Variants in IGFL4 observed in about 807,000 individuals in gnomAD.
The protein encoded by IGFL4 is insulin growth factor-like family member 4.
IGFL4 carries 12 observed loss-of-function variants against 15.4 expected under a neutral mutation model. That is an observed-to-expected ratio of 0.78 (90% CI 0.50 to 1.26). IGFL4 has a LOEUF of 1.26. Among genes scored for constraint, IGFL4 ranks in the 50% most tolerant of loss-of-function variants. The pLI is 0.00. For synonymous variants in IGFL4, 54 were observed against 55.9 expected (o/e 0.97, Z 0.16); for missense variants, 126 against 147.8 (o/e 0.85, Z 0.76).
chr19:46,066,536 C>T (rs146513958), intron 1 of IGFL4, among the ~76,000 whole-genome samples: 13 of 152,236 alleles, frequency 8.5e-5, no homozygotes, highest in East Asian at 1.9e-4. Flanking sequence ...AGAGAAAAGA[C>T]GCTTATTTGG....
In IGFL4 at chr19:46,074,428, A is replaced by G. The variant is rs530724583; in HGVS notation, c.-432+2592T>C. ...AATGTATGTATATCTACATATGTAT[A>G]TATGTGTATGTATATATACACATAT... On this transcript the variant is annotated intron_variant, in intron 1 of 5. Transcript: ENST00000601672. Among the ~76,000 whole-genome samples, 15 of 152,014 alleles carry G rather than the reference A, an allele frequency of 9.9e-5. No individual in the cohort carries two copies. The South Asian group carries it at 2.7e-3, about 27-fold the overall frequency.
chr19:46,043,913 A>G (rs1306251892), upstream of IGFL4, among the ~76,000 whole-genome samples: 1 of 152,250 alleles, frequency 6.6e-6, no homozygotes, highest in Non-Finnish European at 1.5e-5. Context: ...TAGATCAGGA[A>G]GCGGGCAAGA....
intron 2 of IGFL4, among the ~76,000 whole-genome samples, chr19:46,055,400 GT>G (rs1969383481): frequency 6.6e-6 from 1 of 152,092 alleles, no homozygotes; most frequent in African/African-American, 2.4e-5. Context: ...TCAGTAACGT[GT>G]TTTCTTTGAT....
intron 1 of IGFL4, among the ~76,000 whole-genome samples, chr19:46,076,840 C>T (rs1259819897): frequency 6.6e-6 from 1 of 152,132 alleles, no homozygotes; most frequent in Non-Finnish European, 1.5e-5. Flanking sequence ...GGCACTTCTA[C>T]CTATGCGTCT....
upstream of IGFL4, among the ~76,000 whole-genome samples, chr19:46,045,332 G>A (rs1234723138): frequency 6.6e-6 from 1 of 151,790 alleles, no homozygotes; most frequent in African/African-American, 2.4e-5. Flanking sequence ...AATCCCAGAT[G>A]CTGAGGAGGC....
At chr19:46,066,185 T>C (rs752702131) in intron 1 of IGFL4, among the ~76,000 whole-genome samples, 1 of 152,140 alleles carries the variant, frequency 6.6e-6, no homozygotes, top group Admixed American at 6.5e-5. Flanking sequence ...ACACCATATA[T>C]CAAGGAATCC....
chr19:46,076,624 C>T (rs926649044), intron 1 of IGFL4, among the ~76,000 whole-genome samples: 10 of 148,920 alleles, frequency 6.7e-5, no homozygotes, highest in Admixed American at 3.3e-4. Flanking sequence ...TACATTTTCC[C>T]GGTTAGTTTT....
chr19:46,070,911 C>T (rs1354333426), intron 1 of IGFL4, among the ~76,000 whole-genome samples: 2 of 152,060 alleles, frequency 1.3e-5, no homozygotes, highest in East Asian at 3.9e-4. Context: ...AAAAATTAAT[C>T]ATCCTCAAAT....
chr19:46,073,158 C>T (rs959267682), intron 1 of IGFL4, among the ~76,000 whole-genome samples: 3 of 152,082 alleles, frequency 2.0e-5, no homozygotes, highest in Non-Finnish European at 2.9e-5. Flanking sequence ...TAACATTAGA[C>T]GAAGTTGGGT....
intron 2 of IGFL4, chr19:46,059,980 T>C (rs1052609796): frequency 3.9e-5 from 6 of 152,188 alleles, no homozygotes; most frequent in East Asian, 1.9e-4. Flanking sequence ...ACAGGGACTG[T>C]GTAGACAAGG....
intron 1 of IGFL4, among the ~76,000 whole-genome samples, chr19:46,071,302 G>A (rs140499921): frequency 2.0e-5 from 3 of 152,096 alleles, no homozygotes; most frequent in Admixed American, 6.5e-5. Flanking sequence ...GACTATGTTG[G>A]GGGTAAGGAG....
intron 2 of IGFL4, among the ~76,000 whole-genome samples, chr19:46,052,614 C>T (rs1346413347): frequency 2.0e-5 from 3 of 151,714 alleles, no homozygotes; most frequent in Non-Finnish European, 2.9e-5. Flanking sequence ...CCCAGCTACT[C>T]GGGAGACTGA....
chr19:46,066,603 G>A (rs1969497283), intron 1 of IGFL4, among the ~76,000 whole-genome samples: 1 of 152,208 alleles, frequency 6.6e-6, no homozygotes. Flanking sequence ...TTGGCTTCTG[G>A]TGAGGCCTCA....
chr19:46,076,317 C>T (rs993123563), intron 1 of IGFL4, among the ~76,000 whole-genome samples: 2 of 152,236 alleles, frequency 1.3e-5, no homozygotes, highest in African/African-American at 2.4e-5. Flanking sequence ...CCACCGAATT[C>T]ATTTCTTGCT....
chr19:46,077,135 G>C (rs1476792935), upstream of IGFL4: 3 of 152,274 alleles, frequency 2.0e-5, no homozygotes, highest in East Asian at 5.8e-4. This position sits in a 1 kb window ranked among gnomAD's most constrained non-coding sequence, Gnocchi z 5.4. Context: ...TGACGGGCGT[G>C]GTGCAGACGT....
intron 2 of IGFL4, among the ~76,000 whole-genome samples, chr19:46,054,652 C>A (rs1300368297): frequency 6.6e-6 from 1 of 151,812 alleles, no homozygotes; most frequent in South Asian, 2.1e-4. Context: ...CATTTTTTTT[C>A]ATATGATGCC....
chr19:46,061,223 G>A (rs1461964546), intron 1 of IGFL4, among the ~76,000 whole-genome samples: 4 of 152,038 alleles, frequency 2.6e-5, no homozygotes, highest in Admixed American at 6.6e-5. Context: ...ACATTCCCAT[G>A]CCTTCTTATA....
Position 46,076,234 on chromosome 19 carries a change from T to C in IGFL4, c.-432+786A>G, listed in dbSNP as rs553055073. Among the ~76,000 whole-genome samples, 13 of 152,306 alleles carry C rather than the reference T, an allele frequency of 8.5e-5. No homozygotes were observed. In the South Asian group the frequency reaches 1.7e-3, roughly 19 times the overall value. Reference sequence around the variant, plus strand: ...AAACCTACCTCTTAACACTGTTGCATTGAGGATTAAGTTTCAACGTGAATC... The same window carrying C: ...AAACCTACCTCTTAACACTGTTGCACTGAGGATTAAGTTTCAACGTGAATC... On this transcript the variant is annotated intron_variant, in intron 1 of 5. Transcript: ENST00000601672.
At chr19:46,068,175 C>T (rs1186993188) in intron 1 of IGFL4, among the ~76,000 whole-genome samples, 2 of 152,186 alleles carry the variant, frequency 1.3e-5, no homozygotes, top group Non-Finnish European at 2.9e-5. Context: ...GCTCTTCAAC[C>T]AATTCCGCCA....
Sources: gnomAD v4.1 joint callset for allele counts (sites outside exome capture counted in the v4.1 genomes callset) on GRCh38, gnomAD v4.1.1 for gene constraint, Gnocchi (gnomAD v3.1) non-coding constraint, MANE v1.5 for transcripts, NCBI Gene and HGNC (gene_info 2026-07-23, HGNC 2026-07-21) for gene names.